The following DPY19L4 variants were observed in gnomAD, a reference collection of about 807,000 sequenced individuals.
DPY19L4 encodes the protein dpy-19 like 4.
DPY19L4 carries 97 observed loss-of-function variants against 102.8 expected under a neutral mutation model. That is an observed-to-expected ratio of 0.94 (90% CI 0.80 to 1.12). DPY19L4 has a LOEUF of 1.12. DPY19L4 is among the 50% of genes most tolerant of loss of function. The pLI, the probability that DPY19L4 is intolerant of heterozygous loss-of-function variation, is 0.00. For synonymous variants in DPY19L4, 252 were observed against 283.1 expected, an observed-to-expected ratio of 0.89 and a Z score of 1.10; for missense variants, 815 against 850.4, an observed-to-expected ratio of 0.96 and a Z score of 0.52.
In DPY19L4 at chr8:94,765,201, A is replaced by G. The variant is rs1200047943; in HGVS notation, c.889A>G (p.Ile297Val). ...ACAACAGGTTTATGAAGTTTATAAA[A>G]TCTACATATTTTCCCTCTTTCTGGG... ...QSDKVYEVYK[I>V]YIFSLFLGYL... The change falls in exon 9 of 19, where the codon ATC becomes GTC. Residue 297 changes from isoleucine (I) to valine (V), a missense_variant. Physicochemically the swap from Ile to Val is conservative, Grantham distance 29 (BLOSUM62 3). Transcript: ENST00000414645. The G allele has an allele frequency of 1.9e-6, 3 of 1,544,890 alleles. No individual in the cohort carries two copies.
chr8:94,765,068 C>T (rs891334164), intron 8 of DPY19L4, 115 bp from the exon 9 acceptor site: 2 of 801,796 alleles, frequency 2.5e-6, no homozygotes, highest in Admixed American at 3.5e-5. Context: ...TAATACTTTC[C>T]TAAATTATAG....
Position 94,755,077 on chromosome 8 carries a change from C to T in DPY19L4, c.612-959C>T, listed in dbSNP as rs566827619. Among the ~76,000 whole-genome samples, 14 of 152,268 alleles carry T rather than the reference C, an allele frequency of 9.2e-5. No individual in the cohort carries two copies. The East Asian group carries it at 2.5e-3, about 27-fold the overall frequency. On this transcript the variant is annotated intron_variant, in intron 6 of 18. Coordinates refer to ENST00000414645, the MANE Select transcript of DPY19L4 (RefSeq NM_181787.3). ...TGCTAGGATTACAGGCATGATCCAC[C>T]GTGCCCGGCCTGACATTCCTATATT...
intron 6 of DPY19L4, among the ~76,000 whole-genome samples, chr8:94,755,611 T>G (rs911122473): frequency 2.0e-5 from 3 of 152,196 alleles, no homozygotes; most frequent in African/African-American, 7.2e-5. Flanking sequence ...ATGGTGGATC[T>G]GGGCTGGGTG....
chr8:94,784,176 C>T (rs879519505), intron 17 of DPY19L4, among the ~76,000 whole-genome samples: 1 of 150,564 alleles, frequency 6.6e-6, no homozygotes, highest in Non-Finnish European at 1.5e-5. Flanking sequence ...CCAAGCGATT[C>T]TCCTGCCTCA....
At chr8:94,785,166 T>A (rs1347025185) in intron 17 of DPY19L4, among the ~76,000 whole-genome samples, 1 of 152,214 alleles carries the variant, frequency 6.6e-6, no homozygotes, top group African/African-American at 2.4e-5. Flanking sequence ...AATCTCGAGA[T>A]TAAGTGAGAA....
chr8:94,753,998 G>A (rs574446256), intron 6 of DPY19L4, among the ~76,000 whole-genome samples: 10 of 152,224 alleles, frequency 6.6e-5, no homozygotes, highest in South Asian at 2.1e-4. Context: ...CCTGGGCAAC[G>A]TGGCAAAACA....
chr8:94,763,042 G>A (rs959566463), intron 8 of DPY19L4, among the ~76,000 whole-genome samples: 3 of 148,536 alleles, frequency 2.0e-5, no homozygotes, highest in Non-Finnish European at 4.5e-5. Context: ...TCTGCCTCCC[G>A]GCTTCAAGCG....
rs1172528051 is a variant in DPY19L4, at chr8:94,719,919, C to G, written c.-80C>G. ...GCGGCCAGGAGCGGGCCCCCGGAGG[C>G]CGAGGGGTTCGGCGACGCGGAGGGA... On this transcript the variant is annotated 5_prime_UTR_variant, in exon 1 of 19. Transcript: ENST00000414645. 7.0e-7 allele frequency: 1 copy of G among 1,424,936 alleles called. No homozygotes were observed. Among genetic ancestry groups the G allele is most frequent in the East Asian group, 3.1e-5 (1 of 32,640 alleles). 88.3% of individuals were successfully genotyped at this position (1,424,936 alleles called of 1,614,324 possible).
chr8:94,770,640 G>A (rs1812887594), intron 13 of DPY19L4, 69 bp downstream of exon 13: 1 of 1,588,056 alleles, frequency 6.3e-7, no homozygotes, highest in East Asian at 2.3e-5. Context: ...ACTCACACCT[G>A]TAATCCCAGC....
chr8:94,733,068 G>C (rs940929583), intron 2 of DPY19L4, among the ~76,000 whole-genome samples: 2 of 149,232 alleles, frequency 1.3e-5, no homozygotes, highest in Non-Finnish European at 3.0e-5. Context: ...CCTGCCTCTG[G>C]AAGTTTTGGG....
At chr8:94,731,055 C>CAAAA (rs57246749) in intron 2 of DPY19L4, among the ~76,000 whole-genome samples, 1 of 103,262 alleles carries the variant, frequency 9.7e-6, no homozygotes. Flanking sequence ...AACTCTGTCT[C>CAAAA]AAAAAAAAAA....
At chr8:94,751,123 C>CTTT (rs1232060280) in intron 6 of DPY19L4, among the ~76,000 whole-genome samples, 13 of 130,722 alleles carry the variant, frequency 9.9e-5, no homozygotes, top group African/African-American at 3.7e-4. Context: ...TCTTTCTTTT[C>CTTT]TTTTTTTTTT....
intron 8 of DPY19L4, among the ~76,000 whole-genome samples, chr8:94,764,669 G>GTGTCTGTGTGTC (rs1227853132): frequency 8.8e-6 from 1 of 114,258 alleles, no homozygotes; most frequent in Non-Finnish European, 1.7e-5. Context: ...ATGTATGCGT[G>GTGTCTGTGTGTC]TGTGTGTGTG....
chr8:94,788,850 A>G (rs1813773210), intron 18 of DPY19L4, among the ~76,000 whole-genome samples: 1 of 152,230 alleles, frequency 6.6e-6, no homozygotes, highest in African/African-American at 2.4e-5. Context: ...GTCTTTTCCT[A>G]AATAATCATA....
intron 2 of DPY19L4, among the ~76,000 whole-genome samples, chr8:94,734,194 G>A (rs1811095489): frequency 6.6e-6 from 1 of 151,528 alleles, no homozygotes; most frequent in Admixed American, 6.6e-5. Context: ...GAGTAGCTGG[G>A]ATTACAAGTG....
chr8:94,726,125 A>G (rs1810677742), intron 1 of DPY19L4, among the ~76,000 whole-genome samples: 1 of 152,218 alleles, frequency 6.6e-6, no homozygotes, highest in African/African-American at 2.4e-5. Context: ...TTGTCAAAAC[A>G]CAGATTGGGA....
intron 2 of DPY19L4, among the ~76,000 whole-genome samples, chr8:94,731,782 C>T (rs1333559064): frequency 4.0e-5 from 6 of 151,744 alleles, no homozygotes; most frequent in African/African-American, 1.2e-4. Flanking sequence ...GACGGAGTCT[C>T]GCTCTGTTGC....
At position 94,781,056 on chromosome 8, in the gene DPY19L4, A is replaced by ATTTTT. The variant is rs36116205; in HGVS notation, c.1633-14_1633-10dup. Reference sequence around the variant, plus strand: ...AATTACTGACATACATCTTTTGGGGATTTTTTTTTTTTTTTTTTGCATTTT... The same window carrying ATTTTT: ...AATTACTGACATACATCTTTTGGGGATTTTTTTTTTTTTTTTTTTTTTTGCATTTT... On this transcript the variant is annotated intron_variant, in intron 15 of 18. Transcript: ENST00000414645. The ATTTTT allele has an allele frequency of 6.7e-4, 803 of 1,200,718 alleles. 1 individual carries two copies. The African/African-American group carries it at 8.3e-3, about 12-fold the overall frequency. The allele number at this position is 1,200,718 out of a possible 1,614,324, so 74.4% of individuals were successfully genotyped here.
At chr8:94,769,776 A>G (rs1812841503) in intron 12 of DPY19L4, among the ~76,000 whole-genome samples, 1 of 151,946 alleles carries the variant, frequency 6.6e-6, no homozygotes, top group Non-Finnish European at 1.5e-5. Context: ...TAATTTCTTC[A>G]TTTTAAGAAT....
Sources: gnomAD v4.1 joint callset for allele counts (sites outside exome capture counted in the v4.1 genomes callset) on GRCh38, gnomAD v4.1.1 for gene constraint, MANE v1.5 for transcripts, NCBI Gene and HGNC (gene_info 2026-07-23, HGNC 2026-07-21) for gene names.